Variants in ENKUR observed in about 807,000 individuals in gnomAD.
ENKUR encodes enkurin.
Under a neutral mutation model 27.6 loss-of-function variants are expected in ENKUR, and 19 were observed. The ratio of observed to expected loss-of-function variants is 0.69; its 90% CI spans 0.48 to 1.01. The LOEUF (loss-of-function observed/expected upper bound fraction) is 1.01. ENKUR is among the 50% of genes least tolerant of loss of function. The pLI, the probability that ENKUR is intolerant of heterozygous loss-of-function variation, is 0.00. For missense variants in ENKUR, 312 were observed against 310.5 expected, an observed-to-expected ratio of 1.00 and a Z score of -0.04; for synonymous variants, 117 against 96.9, an observed-to-expected ratio of 1.21 and a Z score of -1.22.
chr10:25,034,031 A>C (rs1850971673), intron 2 of ENKUR, among the ~76,000 whole-genome samples: 1 of 151,646 alleles, frequency 6.6e-6, no homozygotes, highest in South Asian at 2.1e-4. Flanking sequence ...ATACCAACAA[A>C]CATTCATGAC....
At chr10:25,031,862 T>C (rs2130455859) in intron 2 of ENKUR, among the ~76,000 whole-genome samples, 1 of 151,702 alleles carries the variant, frequency 6.6e-6, no homozygotes, top group African/African-American at 2.4e-5. Flanking sequence ...CCTGTAGAGA[T>C]GGGATTTTGC....
At chr10:25,010,892 C>A (rs1167127501) in intron 1 of ENKUR, among the ~76,000 whole-genome samples, 21 of 151,620 alleles carry the variant, frequency 1.4e-4, no homozygotes, top group Non-Finnish European at 3.1e-4. Context: ...GTGAATAGTG[C>A]CACAATAAAC....
At chr10:25,015,764 T>C in intron 1 of ENKUR, 96 bp downstream of exon 1, 1 of 1,148,478 alleles carries the variant, frequency 8.7e-7, no homozygotes, top group Non-Finnish European at 1.2e-6. Flanking sequence ...AAAATACATT[T>C]TATTTATTAT....
intron 3 of ENKUR, among the ~76,000 whole-genome samples, chr10:24,992,067 C>CT (rs1220503704): frequency 1.3e-5 from 2 of 152,218 alleles, no homozygotes; most frequent in Admixed American, 1.3e-4. Flanking sequence ...AAGCCATCAG[C>CT]TGTGATTCTT....
intron 1 of ENKUR, 65 bp downstream of exon 1, chr10:25,015,795 T>A: frequency 7.1e-7 from 1 of 1,403,670 alleles, no homozygotes; most frequent in Non-Finnish European, 9.6e-7. Context: ...AGTATATGTA[T>A]GCTTAATTAA....
At chr10:25,020,545 T>C (rs1219047925), upstream of ENKUR, among the ~76,000 whole-genome samples, 3 of 151,868 alleles carry the variant, frequency 2.0e-5, no homozygotes, top group Admixed American at 6.6e-5. Context: ...AGTGGGAGGA[T>C]TGCTTGAGTT....
At chr10:24,997,386 T>C (rs1028726480) in intron 2 of ENKUR, among the ~76,000 whole-genome samples, 1 of 151,764 alleles carries the variant, frequency 6.6e-6, no homozygotes, top group Non-Finnish European at 1.5e-5. Context: ...CCTTTTTTTT[T>C]TTTTTTTCCT....
chr10:25,035,219 C>G (rs567179742), intron 2 of ENKUR, among the ~76,000 whole-genome samples: 2 of 152,272 alleles, frequency 1.3e-5, no homozygotes, highest in East Asian at 3.9e-4. Context: ...GACCTCCTCA[C>G]CTGCTAATCA....
At chr10:25,034,109 A>T (rs908227500) in intron 2 of ENKUR, among the ~76,000 whole-genome samples, 2 of 152,082 alleles carry the variant, frequency 1.3e-5, no homozygotes, top group Non-Finnish European at 2.9e-5. Context: ...GCAAAAAAAA[A>T]TGAAAGCATT....
chr10:25,053,657 C>T (rs7911863), intron 2 of ENKUR, among the ~76,000 whole-genome samples: 48,325 of 151,952 alleles, frequency 0.32, 7,918 homozygotes, highest in East Asian at 0.46. Context: ...ATATTACCTT[C>T]GGGTTTTTTA....
intron 2 of ENKUR, among the ~76,000 whole-genome samples, chr10:25,049,002 A>G (rs1412487159): frequency 3.3e-5 from 5 of 152,176 alleles, no homozygotes; most frequent in African/African-American, 1.2e-4. Context: ...TATATAAAGA[A>G]TAGCGATTAA....
chr10:25,060,253 C>T (rs891622843), intron 2 of ENKUR, among the ~76,000 whole-genome samples: 15 of 152,062 alleles, frequency 9.9e-5, no homozygotes, highest in South Asian at 8.3e-4. Context: ...GCAGACCGGG[C>T]GCCAGGCTCC....
At chr10:25,000,694 T>C (rs768875842) in intron 1 of ENKUR, among the ~76,000 whole-genome samples, 1 of 152,030 alleles carries the variant, frequency 6.6e-6, no homozygotes, top group Non-Finnish European at 1.5e-5. Context: ...CTTGTTGGAG[T>C]TTTCCTATAG....
chr10:24,995,574 A>AT, intron 3 of ENKUR, 72 bp downstream of exon 3: 1 of 1,300,004 alleles, frequency 7.7e-7, no homozygotes, highest in African/African-American at 1.5e-5. Flanking sequence ...ATGATAACAT[A>AT]GATGATCATC....
chr10:25,027,357 C>CAAAAAAAAAAAAAAAAAAAA (rs71399946), intron 2 of ENKUR, among the ~76,000 whole-genome samples: 1 of 48,492 alleles, frequency 2.1e-5, no homozygotes, highest in Non-Finnish European at 3.5e-5. Flanking sequence ...ACTCCCGTCT[C>CAAAAAAAAAAAAAAAAAAAA]AAAAAAAAAA....
chr10:25,059,308 T>G (rs1851299937), intron 2 of ENKUR, among the ~76,000 whole-genome samples: 1 of 151,818 alleles, frequency 6.6e-6, no homozygotes. Context: ...ATTTTTGCAT[T>G]TTTAGTAGAG....
intron 2 of ENKUR, among the ~76,000 whole-genome samples, chr10:25,033,298 T>C (rs1455728939): frequency 1.3e-5 from 2 of 148,784 alleles, no homozygotes; most frequent in Non-Finnish European, 3.0e-5. Context: ...CAGCTATTTG[T>C]GAGGCTGAGG....
intron 2 of ENKUR, among the ~76,000 whole-genome samples, chr10:25,037,965 G>T (rs1851025099): frequency 6.6e-6 from 1 of 152,064 alleles, no homozygotes; most frequent in Non-Finnish European, 1.5e-5. Flanking sequence ...TTCTTGTTAT[G>T]CTTCATTCTG....
At chr10:25,057,413 AC>A (rs1157190482) in intron 2 of ENKUR, among the ~76,000 whole-genome samples, 18 of 149,946 alleles carry the variant, frequency 1.2e-4, no homozygotes, top group East Asian at 3.9e-4. Context: ...ACACACACAC[AC>A]ACACACACAC....
Sources: gnomAD v4.1 joint callset for allele counts (sites outside exome capture counted in the v4.1 genomes callset) on GRCh38, gnomAD v4.1.1 for gene constraint, MANE v1.5 for transcripts, NCBI Gene and HGNC (gene_info 2026-07-23, HGNC 2026-07-21) for gene names.